Variants in ANKFN1 observed in about 807,000 individuals in gnomAD.
ANKFN1 encodes ankyrin repeat and fibronectin type-III domain-containing protein 1.
A neutral mutation model predicts 108.7 loss-of-function variants in ANKFN1; 74 were observed. That is an observed-to-expected ratio of 0.68 (90% CI 0.56 to 0.83). ANKFN1 has a LOEUF of 0.83. ANKFN1 is among the 40% of genes least tolerant of loss of function. The probability of loss-of-function intolerance (pLI) is 0.00; values close to 1 mark genes in which losing one functional copy is unlikely to be tolerated. For missense variants in ANKFN1, 1,505 were observed against 1,382.3 expected, an observed-to-expected ratio of 1.09 and a Z score of -1.41; for synonymous variants, 547 against 516.2, an observed-to-expected ratio of 1.06 and a Z score of -0.81.
At chr17:56,209,311 T>C (rs1370348194) in intron 1 of ANKFN1, among the ~76,000 whole-genome samples, 1 of 152,094 alleles carries the variant, frequency 6.6e-6, no homozygotes, top group Admixed American at 6.6e-5. Context: ...TATAAATTGT[T>C]CTATGAAGCC....
At chr17:56,379,392 C>T (rs1181766285) in intron 8 of ANKFN1, among the ~76,000 whole-genome samples, 1 of 150,388 alleles carries the variant, frequency 6.6e-6, no homozygotes, top group Admixed American at 6.6e-5. Context: ...GAGTGAGACT[C>T]CATCTCAAGA....
At chr17:56,492,457 G>T (rs1377830476) in intron 19 of ANKFN1, 104 bp downstream of exon 19, 3 of 614,980 alleles carry the variant, frequency 4.9e-6, no homozygotes, top group African/African-American at 3.6e-5. Flanking sequence ...CTGATTCAAA[G>T]AACACGGTGT....
intron 19 of ANKFN1, among the ~76,000 whole-genome samples, chr17:56,494,703 A>G (rs2051143638): frequency 6.6e-6 from 1 of 152,184 alleles, no homozygotes; most frequent in Admixed American, 6.5e-5. Context: ...AAAGAACTGG[A>G]CTAGATGACT....
intron 15 of ANKFN1, among the ~76,000 whole-genome samples, chr17:56,468,446 A>C (rs190662277): frequency 6.6e-6 from 1 of 150,960 alleles, no homozygotes; most frequent in East Asian, 1.9e-4. Context: ...TAATCCAGTG[A>C]TAGGGATGAA....
chr17:56,242,880 A>G (rs200926054), intron 3 of ANKFN1, among the ~76,000 whole-genome samples: 23 of 152,188 alleles, frequency 1.5e-4, no homozygotes, highest in East Asian at 1.2e-3. Context: ...AAAAAACATG[A>G]TTGTGTATTT....
chr17:56,318,551 T>C (rs763817900), intron 3 of ANKFN1, among the ~76,000 whole-genome samples: 2 of 152,146 alleles, frequency 1.3e-5, no homozygotes, highest in Non-Finnish European at 2.9e-5. Context: ...AGTAAGGGAA[T>C]TACATAGAGC....
At chr17:56,087,469 C>A (rs1905337469) in intron 4 of ANKFN1, among the ~76,000 whole-genome samples, 2 of 151,400 alleles carry the variant, frequency 1.3e-5, no homozygotes, top group African/African-American at 2.4e-5. Flanking sequence ...AAATCCCCTG[C>A]CTTCTGCTCT....
intron 8 of ANKFN1, among the ~76,000 whole-genome samples, chr17:56,393,274 T>G (rs746399922): frequency 2.0e-5 from 3 of 152,172 alleles, no homozygotes; most frequent in Non-Finnish European, 4.4e-5. Context: ...AATTTCTCAT[T>G]CTTTAGACAT....
chr17:56,284,581 C>A (rs2044168992), intron 3 of ANKFN1, among the ~76,000 whole-genome samples: 1 of 152,100 alleles, frequency 6.6e-6, no homozygotes. Flanking sequence ...CATTAGAGTA[C>A]AAAGCAGGGT....
chr17:56,047,004 GC>G (rs1253414517), intron 4 of ANKFN1, among the ~76,000 whole-genome samples: 2 of 151,762 alleles, frequency 1.3e-5, no homozygotes, highest in Non-Finnish European at 2.9e-5. Context: ...TTTAAATTAA[GC>G]CCTGAAATTT....
In ANKFN1 at chr17:56,105,430, C is replaced by G. The variant is rs146196111; in HGVS notation, c.288+59105C>G. 9.9e-5 allele frequency among the ~76,000 whole-genome samples: 15 copies of G among 152,136 alleles called. No individual in the cohort carries two copies. The East Asian group carries it at 2.9e-3, about 30-fold the overall frequency. ...CTCGGCTTTATGGAACAATTCAGTG[C>G]CTTTGGATGAAATTGTTCCCTCTCT... On this transcript the variant is annotated intron_variant, in intron 4 of 12. Coordinates refer to the ANKFN1 transcript ENST00000635860.
At chr17:56,257,379 T>G (rs2043384708) in intron 3 of ANKFN1, among the ~76,000 whole-genome samples, 1 of 152,216 alleles carries the variant, frequency 6.6e-6, no homozygotes, top group African/African-American at 2.4e-5. Flanking sequence ...AGAGCCACAT[T>G]AATGTGATGT....
At chr17:56,159,102 G>A (rs1909397996) in intron 1 of ANKFN1, among the ~76,000 whole-genome samples, 1 of 148,984 alleles carries the variant, frequency 6.7e-6, no homozygotes, top group Non-Finnish European at 1.5e-5. Context: ...GGAGGAAGAA[G>A]AAGTAGAAGA....
chr17:56,088,673 C>G lies in ANKFN1; in HGVS notation c.288+42348C>G, dbSNP rs562610712. Among the ~76,000 whole-genome samples the G allele has an allele frequency of 4.6e-5, 7 of 151,268 alleles. No individual in the cohort carries two copies. In the East Asian group the frequency reaches 1.4e-3, roughly 29 times the overall value. ...CTCCACCTATCTTCCTCCTGTTCTC[C>G]TTTCTCCTGGCTGACATCCTTCCAG... On this transcript the variant is annotated intron_variant, in intron 4 of 12. Transcript: ENST00000635860.
At chr17:56,439,788 G>A (rs1166142187) in intron 8 of ANKFN1, among the ~76,000 whole-genome samples, 1 of 152,186 alleles carries the variant, frequency 6.6e-6, no homozygotes, top group Non-Finnish European at 1.5e-5. Flanking sequence ...AGTAGAATAT[G>A]GCGAAGCAGA....
At chr17:56,506,044 G>GTT (rs199711709) in intron 20 of ANKFN1, among the ~76,000 whole-genome samples, 2 of 44,862 alleles carry the variant, frequency 4.5e-5, no homozygotes, top group African/African-American at 6.3e-5. Flanking sequence ...GACATTATTT[G>GTT]TTTTTTTTGT....
chr17:56,238,326 G>A (rs1917308289), intron 3 of ANKFN1, among the ~76,000 whole-genome samples: 1 of 152,038 alleles, frequency 6.6e-6, no homozygotes. Context: ...GAACATTTTT[G>A]TCAATTTTCT....
Position 56,515,420 on chromosome 17 carries a change from G to A in ANKFN1, c.*4151G>A, listed in dbSNP as rs563741861. ...AACCTGGACTTTTTTCTTCAAGGTC[G>A]TATCTTCAAGGAAATTTTTAAAATA... On this transcript the variant is annotated 3_prime_UTR_variant, in exon 21 of 21. Transcript: ENST00000682825. Among the ~76,000 whole-genome samples, 101 of 152,118 alleles carry A rather than the reference G, an allele frequency of 6.6e-4. No individual in the cohort carries two copies. Among genetic ancestry groups the A allele is most frequent in the Admixed American group, 1.9e-3 (29 of 15,274 alleles).
intron 1 of ANKFN1, among the ~76,000 whole-genome samples, chr17:56,193,608 G>A (rs1913221634): frequency 6.8e-6 from 1 of 147,398 alleles, no homozygotes; most frequent in Non-Finnish European, 1.5e-5. Context: ...TCTAGACACA[G>A]ACCTTACACA....
Sources: gnomAD v4.1 joint callset for allele counts (sites outside exome capture counted in the v4.1 genomes callset) on GRCh38, gnomAD v4.1.1 for gene constraint, MANE v1.5 for transcripts, NCBI Gene and HGNC (gene_info 2026-07-23, HGNC 2026-07-21) for gene names.